The following TTC27 variants were observed in gnomAD, a reference collection of about 807,000 sequenced individuals.
TTC27 encodes the protein tetratricopeptide repeat domain 27.
TTC27 carries 79 observed loss-of-function variants against 115.9 expected under a neutral mutation model. The ratio of observed to expected loss-of-function variants is 0.68; its 90% CI spans 0.57 to 0.82. TTC27 has a LOEUF of 0.82. Among genes scored for constraint, TTC27 ranks in the 40% least tolerant of loss-of-function variants. The pLI is 0.00. For synonymous variants in TTC27, 401 were observed against 356.0 expected (o/e 1.13, Z -1.42); for missense variants, 1,054 against 993.1 (o/e 1.06, Z -0.82).
At chr2:32,766,430 G>T (rs1210352300) in intron 13 of TTC27, 4 of 411,668 alleles carry the variant, frequency 9.7e-6, no homozygotes, top group African/African-American at 4.1e-5. Context: ...GCACTGTAGG[G>T]TTATTAATTG....
At chr2:32,820,129 C>A (rs906231402) in intron 19 of TTC27, among the ~76,000 whole-genome samples, 1 of 152,308 alleles carries the variant, frequency 6.6e-6, no homozygotes, top group South Asian at 2.1e-4. Context: ...AAAACATATA[C>A]ACAGTCGCAT....
chr2:32,640,502 C>T, intron 4 of TTC27, 92 bp downstream of exon 4: 1 of 1,355,032 alleles, frequency 7.4e-7, no homozygotes, highest in Non-Finnish European at 1.0e-6. Flanking sequence ...ATGTCTTGGT[C>T]TATTTTGTTT....
intron 10 of TTC27, among the ~76,000 whole-genome samples, chr2:32,703,802 C>A (rs368718115): frequency 5.3e-5 from 8 of 152,162 alleles, no homozygotes; most frequent in African/African-American, 1.9e-4. Context: ...GATTTCGTAA[C>A]GTCAATGTCT....
chr2:32,759,831 G>T (rs536449146), intron 13 of TTC27, among the ~76,000 whole-genome samples: 56 of 152,262 alleles, frequency 3.7e-4, no homozygotes, highest in African/African-American at 1.1e-3. Flanking sequence ...TTGTAAAAGT[G>T]GAATCATACA....
intron 9 of TTC27, among the ~76,000 whole-genome samples, chr2:32,696,656 G>A (rs1363703160): frequency 6.6e-6 from 1 of 152,100 alleles, no homozygotes; most frequent in African/African-American, 2.4e-5. Context: ...TTTTGGCTAT[G>A]TGTATAATGC....
At chr2:32,779,151 A>C (rs1398575986) in intron 14 of TTC27, among the ~76,000 whole-genome samples, 1 of 152,134 alleles carries the variant, frequency 6.6e-6, no homozygotes, top group East Asian at 1.9e-4. Flanking sequence ...TGAACCTGGG[A>C]GGCGGAGGTC....
chr2:32,738,481 G>A, intron 12 of TTC27, among the ~76,000 whole-genome samples: 1 of 152,072 alleles, frequency 6.6e-6, no homozygotes, highest in Non-Finnish European at 1.5e-5. Context: ...AACAATTGAT[G>A]GCATCTTCCA....
intron 10 of TTC27, among the ~76,000 whole-genome samples, chr2:32,724,394 C>A (rs1161637042): frequency 6.6e-6 from 1 of 152,104 alleles, no homozygotes; most frequent in Non-Finnish European, 1.5e-5. Flanking sequence ...GCAGGGGAGT[C>A]AAACTCCTGG....
chr2:32,673,424 G>A (rs1316469982), intron 8 of TTC27, among the ~76,000 whole-genome samples: 3 of 151,750 alleles, frequency 2.0e-5, no homozygotes, highest in South Asian at 2.1e-4. Flanking sequence ...ATGGGGTTTC[G>A]CCGTGCTTTC....
Position 32,807,931 on chromosome 2 carries a change from T to A in TTC27, c.1999-3093T>A, listed in dbSNP as rs867349620. Among the ~76,000 whole-genome samples, 971 of 146,244 alleles carry A rather than the reference T, an allele frequency of 6.6e-3. 9 individuals carry two copies. The highest frequency in any genetic ancestry group is 9.2e-3 in the Admixed American group (134 of 14,632). On this transcript the variant is annotated intron_variant, in intron 16 of 19. Coordinates refer to ENST00000317907, the MANE Select transcript of TTC27 (RefSeq NM_017735.5). ...GAGTGAGTTCTCTACTTGCCCTCTT[T>A]TTTTTTTTTTTTTTTTTTGGAGACA...
intron 9 of TTC27, among the ~76,000 whole-genome samples, chr2:32,700,097 G>A (rs17012113): frequency 0.11 from 17,423 of 152,186 alleles, 1,427 homozygotes; most frequent in African/African-American, 0.23. Flanking sequence ...TGCCCACTCC[G>A]GAGAGGGATT....
At chr2:32,757,853 C>G (rs1356941626) in intron 12 of TTC27, among the ~76,000 whole-genome samples, 1 of 152,168 alleles carries the variant, frequency 6.6e-6, no homozygotes, top group East Asian at 1.9e-4. Flanking sequence ...AGGCACCTGC[C>G]ACCACGCCCG....
intron 1 of TTC27, among the ~76,000 whole-genome samples, chr2:32,630,019 G>A (rs1160686678): frequency 6.6e-6 from 1 of 152,174 alleles, no homozygotes; most frequent in Non-Finnish European, 1.5e-5. Flanking sequence ...TAAAGGGTAA[G>A]ACTAACAAGT....
At chr2:32,818,132 A>G (rs917929490) in intron 19 of TTC27, among the ~76,000 whole-genome samples, 1 of 152,048 alleles carries the variant, frequency 6.6e-6, no homozygotes, top group Non-Finnish European at 1.5e-5. Context: ...AAAATAAAAC[A>G]ATGCTCTTGT....
intron 9 of TTC27, among the ~76,000 whole-genome samples, chr2:32,689,480 T>C (rs189026933): frequency 6.6e-6 from 1 of 152,190 alleles, no homozygotes; most frequent in East Asian, 1.9e-4. Context: ...GTGGAAAAAA[T>C]GTAGAACAAA....
intron 3 of TTC27, among the ~76,000 whole-genome samples, chr2:32,635,594 C>A (rs1190833908): frequency 6.6e-6 from 1 of 151,928 alleles, no homozygotes; most frequent in Non-Finnish European, 1.5e-5. Context: ...TGAGGCAGGA[C>A]AATTGCTTGA....
At chr2:32,677,266 A>G (rs1280403786) in intron 8 of TTC27, among the ~76,000 whole-genome samples, 1 of 152,058 alleles carries the variant, frequency 6.6e-6, no homozygotes, top group Non-Finnish European at 1.5e-5. Flanking sequence ...ATATACAACA[A>G]TTTGTCGTTT....
intron 12 of TTC27, among the ~76,000 whole-genome samples, chr2:32,748,106 A>G (rs1668889462): frequency 6.6e-6 from 1 of 152,016 alleles, no homozygotes; most frequent in Non-Finnish European, 1.5e-5. Flanking sequence ...ATAAATTTCC[A>G]TTGAATCAGG....
intron 13 of TTC27, among the ~76,000 whole-genome samples, chr2:32,772,995 T>C (rs1484901304): frequency 6.6e-6 from 1 of 152,194 alleles, no homozygotes; most frequent in African/African-American, 2.4e-5. Flanking sequence ...GTCGTCTTTC[T>C]CCTCTATCAC....
Sources: gnomAD v4.1 joint callset for allele counts (sites outside exome capture counted in the v4.1 genomes callset) on GRCh38, gnomAD v4.1.1 for gene constraint, MANE v1.5 for transcripts, NCBI Gene and HGNC (gene_info 2026-07-23, HGNC 2026-07-21) for gene names.